The following DOCK3 variants were observed in gnomAD, a reference collection of about 807,000 sequenced individuals.
DOCK3 encodes the protein dedicator of cytokinesis protein 3.
A neutral mutation model predicts 265.6 loss-of-function variants in DOCK3; 60 were observed. The observed-to-expected ratio is 0.23, with a 90% confidence interval of 0.18 to 0.28. The LOEUF (loss-of-function observed/expected upper bound fraction) is 0.28. Among genes scored for constraint, DOCK3 ranks in the 10% least tolerant of loss-of-function variants. DOCK3 has a pLI of 1.00. For missense variants in DOCK3, 1,981 were observed against 2,594.3 expected, an observed-to-expected ratio of 0.76 and a Z score of 5.14; for synonymous variants, 881 against 938.0, an observed-to-expected ratio of 0.94 and a Z score of 1.11.
chr3:50,917,602 C>T (rs539369106), intron 4 of DOCK3, among the ~76,000 whole-genome samples: 4 of 152,030 alleles, frequency 2.6e-5, no homozygotes, highest in Non-Finnish European at 5.9e-5. Flanking sequence ...TTTTTCTTCA[C>T]ATCAACTTTT....
intron 12 of DOCK3, among the ~76,000 whole-genome samples, chr3:51,192,289 A>G (rs564320615): frequency 1.9e-4 from 29 of 151,524 alleles, no homozygotes; most frequent in African/African-American, 6.5e-4. Context: ...GTCCTGTTGC[A>G]TTCTTCTGCT....
At chr3:51,030,058 C>G (rs2079985818) in intron 5 of DOCK3, among the ~76,000 whole-genome samples, 1 of 152,124 alleles carries the variant, frequency 6.6e-6, no homozygotes, top group Non-Finnish European at 1.5e-5. Context: ...GCACTCTCTC[C>G]TACTCTTTCT....
intron 5 of DOCK3, among the ~76,000 whole-genome samples, chr3:50,972,848 G>A (rs896802059): frequency 1.3e-5 from 2 of 149,202 alleles, no homozygotes; most frequent in African/African-American, 4.9e-5. Flanking sequence ...GTAATGTGAT[G>A]CCTATAGCTT....
At chr3:50,854,452 A>T (rs2046486106) in intron 3 of DOCK3, among the ~76,000 whole-genome samples, 1 of 147,354 alleles carries the variant, frequency 6.8e-6, no homozygotes, top group African/African-American at 2.5e-5. Context: ...ATTTTGGCGA[A>T]CAGGGTCTTG....
intron 14 of DOCK3, among the ~76,000 whole-genome samples, chr3:51,224,391 A>T (rs1420352109): frequency 6.6e-6 from 1 of 152,206 alleles, no homozygotes; most frequent in Non-Finnish European, 1.5e-5. Context: ...TTCCTGTTTC[A>T]TGCATGAGAG....
At chr3:50,701,879 A>G (rs531544303) in intron 1 of DOCK3, among the ~76,000 whole-genome samples, 4 of 152,240 alleles carry the variant, frequency 2.6e-5, no homozygotes, top group African/African-American at 9.6e-5. Context: ...GGCTGTAAAT[A>G]GGTGGATTTA....
intron 2 of DOCK3, among the ~76,000 whole-genome samples, chr3:50,812,154 GAAT>G (rs2043798150): frequency 6.6e-6 from 1 of 152,216 alleles, no homozygotes; most frequent in Non-Finnish European, 1.5e-5. Flanking sequence ...GGAAAGGCAT[GAAT>G]GAGTCGAGCA....
intron 14 of DOCK3, among the ~76,000 whole-genome samples, chr3:51,225,084 G>A (rs1485706930): frequency 6.6e-6 from 1 of 152,120 alleles, no homozygotes; most frequent in African/African-American, 2.4e-5. Flanking sequence ...AAAAGCGACA[G>A]GTAGTCCAGT....
rs557823295 is a variant in DOCK3, at chr3:50,723,499, C to T, written c.37+48199C>T. Among the ~76,000 whole-genome samples, 8 of 151,868 alleles carry T rather than the reference C, an allele frequency of 5.3e-5. No individual in the cohort carries two copies. The South Asian group carries it at 1.5e-3, about 28-fold the overall frequency. The stretch of plus-strand genomic sequence containing the variant: ...CAGCCTGGCCAACATCGCGAAACCT[C>T]GTATCTACTTTGGAACAGAACAGAG... On this transcript the variant is annotated intron_variant, in intron 1 of 52. Transcript: ENST00000266037.
At chr3:50,863,394 C>G (rs369402845) in intron 3 of DOCK3, 55 of 518,816 alleles carry the variant, frequency 1.1e-4, no homozygotes, top group Non-Finnish European at 2.1e-4. Context: ...AAATAATCAC[C>G]AATAGCATAG....
intron 21 of DOCK3, among the ~76,000 whole-genome samples, chr3:51,246,379 C>T (rs1484396191): frequency 2.6e-5 from 4 of 152,004 alleles, no homozygotes; most frequent in South Asian, 2.1e-4. Context: ...ACTACAGGCA[C>T]GCACCACCAT....
chr3:50,804,024 G>T (rs2043238320), intron 2 of DOCK3, among the ~76,000 whole-genome samples: 1 of 151,618 alleles, frequency 6.6e-6, no homozygotes, highest in Admixed American at 6.6e-5. Context: ...CCCAGACGGG[G>T]TGGTGGTCGG....
intron 1 of DOCK3, among the ~76,000 whole-genome samples, chr3:50,746,372 G>A (rs1196489541): frequency 1.3e-5 from 2 of 152,118 alleles, no homozygotes; most frequent in African/African-American, 4.8e-5. Context: ...CCCACAAAGT[G>A]CTGGGATTAC....
chr3:51,220,709 G>GTGTGTATA (rs1208536854), intron 14 of DOCK3, among the ~76,000 whole-genome samples: 14 of 132,378 alleles, frequency 1.1e-4, no homozygotes, highest in East Asian at 6.8e-4. Context: ...GTGTGTGTGT[G>GTGTGTATA]TATATATATA....
chr3:51,103,914 T>C (rs1166694889), intron 9 of DOCK3, among the ~76,000 whole-genome samples: 1 of 152,100 alleles, frequency 6.6e-6, no homozygotes, highest in Non-Finnish European at 1.5e-5. Context: ...CTACCCATAA[T>C]GGGGGATGAG....
chr3:51,119,686 G>T (rs2083923269), intron 9 of DOCK3, among the ~76,000 whole-genome samples: 1 of 151,626 alleles, frequency 6.6e-6, no homozygotes, highest in Admixed American at 6.6e-5. Flanking sequence ...CTCTAATCTT[G>T]TCTTCACGAC....
intron 12 of DOCK3, among the ~76,000 whole-genome samples, chr3:51,186,365 T>C (rs1056299991): frequency 1.3e-5 from 2 of 152,170 alleles, no homozygotes; most frequent in Admixed American, 1.3e-4. Flanking sequence ...CAGCAAAGCA[T>C]TCAAGATGTG....
chr3:51,056,733 G>T (rs1221897822), intron 5 of DOCK3, among the ~76,000 whole-genome samples: 1 of 152,020 alleles, frequency 6.6e-6, no homozygotes, highest in Non-Finnish European at 1.5e-5. Flanking sequence ...TGGGAGTTTT[G>T]AATAAACTCA....
At chr3:50,776,758 A>G (rs2041624626) in intron 1 of DOCK3, among the ~76,000 whole-genome samples, 1 of 152,160 alleles carries the variant, frequency 6.6e-6, no homozygotes, top group African/African-American at 2.4e-5. Context: ...GTATAGTGAT[A>G]GATGGGGACC....
Sources: gnomAD v4.1 joint callset for allele counts (sites outside exome capture counted in the v4.1 genomes callset) on GRCh38, gnomAD v4.1.1 for gene constraint, MANE v1.5 for transcripts, NCBI Gene and HGNC (gene_info 2026-07-23, HGNC 2026-07-21) for gene names.